ERBB4: variants seen among roughly 807,000 people sequenced by gnomAD.
ERBB4 encodes the protein receptor tyrosine-protein kinase erbB-4.
ERBB4 carries 42 observed loss-of-function variants against 158.0 expected under a neutral mutation model. The observed-to-expected ratio is 0.27, with a 90% CI of 0.21 to 0.34. The LOEUF (loss-of-function observed/expected upper bound fraction) is 0.34, where lower values mean the gene tolerates loss of function less well. Ranked by LOEUF, ERBB4 falls within the 10% of genes least tolerant of loss-of-function variation. The probability of loss-of-function intolerance (pLI) is 1.00; values close to 1 mark genes in which losing one functional copy is unlikely to be tolerated. For synonymous variants in ERBB4, 583 were observed against 558.7 expected (o/e 1.04, Z -0.61); for missense variants, 1,333 against 1,624.1 (o/e 0.82, Z 3.08).
chr2:212,296,483 T>C (rs986083078), intron 1 of ERBB4, among the ~76,000 whole-genome samples: 10 of 151,998 alleles, frequency 6.6e-5, no homozygotes, highest in African/African-American at 2.2e-4. Flanking sequence ...TTCAAGGTCA[T>C]ATATTAGCAT....
At chr2:211,447,005 TAAA>T in intron 20 of ERBB4, among the ~76,000 whole-genome samples, 1 of 152,214 alleles carries the variant, frequency 6.6e-6, no homozygotes, top group East Asian at 1.9e-4. Context: ...ACTGAAAGCG[TAAA>T]ACAACAAAGC....
At chr2:211,696,796 A>C (rs2073039999) in intron 12 of ERBB4, among the ~76,000 whole-genome samples, 1 of 152,028 alleles carries the variant, frequency 6.6e-6, no homozygotes, top group Non-Finnish European at 1.5e-5. Context: ...CAGCCTCCCC[A>C]GTAGCTGGGA....
At chr2:212,117,060 T>G (rs2079592209) in intron 2 of ERBB4, among the ~76,000 whole-genome samples, 3 of 152,180 alleles carry the variant, frequency 2.0e-5, no homozygotes, top group African/African-American at 7.2e-5. Context: ...AAATTGCATA[T>G]GTATTATCTT....
chr2:211,742,759 T>G (rs2074839168), intron 5 of ERBB4, among the ~76,000 whole-genome samples: 1 of 152,048 alleles, frequency 6.6e-6, no homozygotes, highest in Non-Finnish European at 1.5e-5. Context: ...GTAAATGACA[T>G]AAAATGTTGT....
At chr2:211,708,714 G>T (rs1405150895) in intron 9 of ERBB4, among the ~76,000 whole-genome samples, 1 of 151,090 alleles carries the variant, frequency 6.6e-6, no homozygotes, top group Non-Finnish European at 1.5e-5. Flanking sequence ...TTTACAATAT[G>T]CCAGGCACTG....
rs572101191 is a variant in ERBB4, at chr2:211,726,807, T to A, written c.623-1613A>T. ...CAGTGTTGATTCACAGTATGAAACT[T>A]ATGACCATCCCCGTACTAAAGGATT... On this transcript the variant is annotated intron_variant, in intron 5 of 27. Coordinates refer to ENST00000342788, the MANE Select transcript of ERBB4 (RefSeq NM_005235.3). Among the ~76,000 whole-genome samples, 4 of 152,268 alleles carry A rather than the reference T, an allele frequency of 2.6e-5. No individual in the cohort carries two copies. In the South Asian group the frequency reaches 8.3e-4, roughly 32 times the overall value.
At chr2:211,961,996 G>C (rs1293111502) in intron 2 of ERBB4, among the ~76,000 whole-genome samples, 1 of 152,052 alleles carries the variant, frequency 6.6e-6, no homozygotes, top group African/African-American at 2.4e-5. Context: ...GGTTACTTTT[G>C]GGGAGAAAAG....
intron 3 of ERBB4, among the ~76,000 whole-genome samples, chr2:211,793,613 G>T (rs1358773440): frequency 6.6e-6 from 1 of 151,836 alleles, no homozygotes; most frequent in African/African-American, 2.4e-5. Flanking sequence ...ATCACCTTAA[G>T]CCACACAAGT....
At chr2:212,017,587 T>A (rs1213767378) in intron 2 of ERBB4, among the ~76,000 whole-genome samples, 2 of 152,174 alleles carry the variant, frequency 1.3e-5, no homozygotes, top group African/African-American at 4.8e-5. Flanking sequence ...TTGTTGCATA[T>A]AAAAATTAAT....
intron 1 of ERBB4, among the ~76,000 whole-genome samples, chr2:212,198,677 C>A (rs577469919): frequency 6.7e-6 from 1 of 150,370 alleles, no homozygotes; most frequent in Non-Finnish European, 1.5e-5. Flanking sequence ...CGGGTTCAAG[C>A]GATTCTCCTG....
At chr2:212,535,959 C>A (rs888475553) in intron 1 of ERBB4, among the ~76,000 whole-genome samples, 1 of 152,168 alleles carries the variant, frequency 6.6e-6, no homozygotes. Context: ...TGCCACTTTC[C>A]CCTGAACTCC....
At chr2:211,497,687 G>A (rs2065504825) in intron 20 of ERBB4, among the ~76,000 whole-genome samples, 1 of 152,118 alleles carries the variant, frequency 6.6e-6, no homozygotes, top group Admixed American at 6.5e-5. Flanking sequence ...ATATGCTATA[G>A]GGAATAAAAG....
chr2:212,076,304 A>C (rs1475325474), intron 2 of ERBB4, among the ~76,000 whole-genome samples: 1 of 151,890 alleles, frequency 6.6e-6, no homozygotes, highest in Non-Finnish European at 1.5e-5. Context: ...ATTATCTTCC[A>C]TGTAAAGAGT....
chr2:212,308,923 A>T (rs1675346996), intron 1 of ERBB4, among the ~76,000 whole-genome samples: 1 of 151,014 alleles, frequency 6.6e-6, no homozygotes, highest in South Asian at 2.1e-4. Context: ...TTGGGTCCAT[A>T]ACCCAATATT....
chr2:211,864,915 G>A (rs563806611), intron 3 of ERBB4, among the ~76,000 whole-genome samples: 57 of 152,246 alleles, frequency 3.7e-4, no homozygotes, highest in African/African-American at 1.3e-3. Context: ...GGAGGGTGAG[G>A]CAGGAGAATC....
At chr2:212,487,773 T>C (rs981285997) in intron 1 of ERBB4, among the ~76,000 whole-genome samples, 2 of 152,152 alleles carry the variant, frequency 1.3e-5, no homozygotes, top group African/African-American at 2.4e-5. Context: ...ATATCAAGCA[T>C]TGAGCTTAGC....
chr2:211,978,210 T>C (rs1332809722), intron 2 of ERBB4, among the ~76,000 whole-genome samples: 2 of 151,928 alleles, frequency 1.3e-5, no homozygotes, highest in East Asian at 1.9e-4. Context: ...TCTCTGGCAG[T>C]TGGGTAAGTG....
chr2:211,629,594 T>A (rs912141240), intron 17 of ERBB4, among the ~76,000 whole-genome samples: 1 of 152,068 alleles, frequency 6.6e-6, no homozygotes, highest in Non-Finnish European at 1.5e-5. Flanking sequence ...GCCAAGTCAA[T>A]CCTAAGCTAA....
At chr2:211,871,857 C>G (rs926935651) in intron 3 of ERBB4, among the ~76,000 whole-genome samples, 7 of 152,014 alleles carry the variant, frequency 4.6e-5, no homozygotes, top group African/African-American at 1.4e-4. Flanking sequence ...ATTCAAGAGA[C>G]TATATGTGCT....
Sources: allele counts gnomAD v4.1 joint callset (sites outside exome capture counted in the v4.1 genomes callset), GRCh38; gene constraint gnomAD v4.1.1; transcripts MANE v1.5; gene names NCBI Gene and HGNC (gene_info 2026-07-23, HGNC 2026-07-21).